The following TSPAN9 variants were observed in gnomAD, a reference collection of about 807,000 sequenced individuals.
The protein encoded by TSPAN9 is tetraspanin-9.
TSPAN9 carries 16 observed loss-of-function variants against 31.0 expected under a neutral mutation model. The ratio of observed to expected loss-of-function variants is 0.52; its 90% CI spans 0.35 to 0.78. The LOEUF is 0.78. Among genes scored for constraint, TSPAN9 ranks in the 30% least tolerant of loss-of-function variants. The probability of loss-of-function intolerance (pLI) is 0.01; values close to 1 mark genes in which losing one functional copy is unlikely to be tolerated. For synonymous variants in TSPAN9, 145 were observed against 121.6 expected (o/e 1.19, Z -1.27); for missense variants, 272 against 312.5 (o/e 0.87, Z 0.98).
chr12:3,122,691 T>G (rs1028058763), intron 2 of TSPAN9, among the ~76,000 whole-genome samples: 2 of 152,192 alleles, frequency 1.3e-5, no homozygotes, highest in Non-Finnish European at 2.9e-5. Context: ...AATGTGCTCC[T>G]GCAGGGAGGT....
chr12:3,254,164 A>C, intron 3 of TSPAN9, among the ~76,000 whole-genome samples: 1 of 152,210 alleles, frequency 6.6e-6, no homozygotes, highest in East Asian at 1.9e-4. Flanking sequence ...TGGTGCTGAC[A>C]GTAGTCACTC....
At chr12:3,085,272 G>T (rs573936845) in intron 2 of TSPAN9, among the ~76,000 whole-genome samples, 2 of 151,944 alleles carry the variant, frequency 1.3e-5, no homozygotes, top group South Asian at 4.2e-4. Context: ...CCTGCTGTGC[G>T]GCATGTCCCC....
chr12:3,160,709 T>C (rs1250321562), intron 2 of TSPAN9, among the ~76,000 whole-genome samples: 1 of 152,254 alleles, frequency 6.6e-6, no homozygotes, highest in Non-Finnish European at 1.5e-5. Context: ...ATGAATGATG[T>C]TGAGCATCTG....
intron 2 of TSPAN9, among the ~76,000 whole-genome samples, chr12:3,111,484 G>A (rs1426009946): frequency 1.3e-5 from 2 of 152,050 alleles, no homozygotes; most frequent in East Asian, 3.9e-4. Flanking sequence ...AAACTTACCT[G>A]ATGAGGTTTA....
At chr12:3,236,786 G>T (rs2098394000) in intron 3 of TSPAN9, among the ~76,000 whole-genome samples, 1 of 152,180 alleles carries the variant, frequency 6.6e-6, no homozygotes, top group Admixed American at 6.5e-5. Context: ...CAGCAGGAGG[G>T]AGAGGGTGGG....
At chr12:3,095,946 G>A (rs2098308446) in intron 2 of TSPAN9, among the ~76,000 whole-genome samples, 1 of 150,384 alleles carries the variant, frequency 6.6e-6, no homozygotes, top group African/African-American at 2.5e-5. Flanking sequence ...CGGCCGGGCA[G>A]AGGCTGCAAT....
At chr12:3,148,653 G>C (rs2098338443) in intron 2 of TSPAN9, among the ~76,000 whole-genome samples, 1 of 152,244 alleles carries the variant, frequency 6.6e-6, no homozygotes, top group African/African-American at 2.4e-5. Context: ...GCCTGAAAGG[G>C]ACCAGGAGGG....
In TSPAN9 at chr12:3,192,459, C is replaced by T. The variant is rs958144883; in HGVS notation, c.-17-8718C>T. 6.6e-6 allele frequency among the ~76,000 whole-genome samples: 1 copy of T among 152,022 alleles called. No homozygotes were observed. Among genetic ancestry groups the T allele is most frequent in the Non-Finnish European group, 1.5e-5 (1 of 68,004 alleles). ...CTGCGGCTTGGACTTGTGTTTGCTTCGAGGTGGGAGCAAGTGACAACCGGG... is the reference window on the plus strand; with the variant it reads ...CTGCGGCTTGGACTTGTGTTTGCTTTGAGGTGGGAGCAAGTGACAACCGGG... On this transcript the variant is annotated intron_variant, in intron 2 of 8. Coordinates refer to ENST00000011898, the MANE Select transcript of TSPAN9 (RefSeq NM_006675.5). The surrounding 1 kb of genome is among the most constrained non-coding windows in gnomAD (Gnocchi z 4.6).
intron 3 of TSPAN9, among the ~76,000 whole-genome samples, chr12:3,254,481 C>T (rs376643586): frequency 2.8e-4 from 43 of 152,310 alleles, no homozygotes; most frequent in African/African-American, 9.1e-4. Flanking sequence ...ACCTTGTGCC[C>T]GATCCAGGTT....
intron 2 of TSPAN9, among the ~76,000 whole-genome samples, chr12:3,102,435 A>ATT (rs33918863): frequency 0.35 from 47,262 of 135,148 alleles, 8,717 homozygotes; most frequent in South Asian, 0.53. Flanking sequence ...CCAAGGAGGA[A>ATT]TTTTTTTTTT....
chr12:3,185,502 A>G (rs1338825789), intron 2 of TSPAN9, among the ~76,000 whole-genome samples: 1 of 152,076 alleles, frequency 6.6e-6, no homozygotes, highest in Non-Finnish European at 1.5e-5. Context: ...TGGGCCTGGG[A>G]GTTTCCAGTC....
intron 2 of TSPAN9, among the ~76,000 whole-genome samples, chr12:3,179,722 A>G (rs146145205): frequency 3.9e-5 from 6 of 152,306 alleles, no homozygotes; most frequent in African/African-American, 1.4e-4. Flanking sequence ...ATGAATAAAG[A>G]GTCCACATTA....
At chr12:3,258,126 G>A (rs1862383339) in intron 3 of TSPAN9, among the ~76,000 whole-genome samples, 2 of 152,214 alleles carry the variant, frequency 1.3e-5, no homozygotes, top group Non-Finnish European at 2.9e-5. Context: ...TCCTGAGCAT[G>A]GACATGGCAT....
chr12:3,081,113 G>A (rs145175304), intron 1 of TSPAN9, among the ~76,000 whole-genome samples: 5 of 152,236 alleles, frequency 3.3e-5, no homozygotes, highest in African/African-American at 1.2e-4. Context: ...GGAGCCATGA[G>A]CTGATGTATG....
intron 2 of TSPAN9, among the ~76,000 whole-genome samples, chr12:3,125,321 G>A (rs908577617): frequency 4.3e-4 from 66 of 151,960 alleles, no homozygotes; most frequent in African/African-American, 1.5e-3. Flanking sequence ...GTTTTGCTGC[G>A]TGCTCAGCAC....
intron 2 of TSPAN9, among the ~76,000 whole-genome samples, chr12:3,114,020 A>G (rs1042246117): frequency 6.6e-6 from 1 of 152,150 alleles, no homozygotes; most frequent in Non-Finnish European, 1.5e-5. Flanking sequence ...TGTCATCCTC[A>G]GTGGGCCATA....
Position 3,177,726 on chromosome 12 carries a change from C to T in TSPAN9, c.-17-23451C>T, listed in dbSNP as rs149362605. 3.2e-3 allele frequency among the ~76,000 whole-genome samples: 482 copies of T among 152,352 alleles called. 3 individuals carry two copies. Among genetic ancestry groups the T allele is most frequent in the African/African-American group, 0.011 (456 of 41,586 alleles). ...GGGATTACAGGTGTGAGCAACCGCA[C>T]CCAGCCTTAACCTGCTAGGTAAACA... On this transcript the variant is annotated intron_variant, in intron 2 of 8. Coordinates refer to ENST00000011898, the MANE Select transcript of TSPAN9 (RefSeq NM_006675.5).
intron 3 of TSPAN9, chr12:3,206,508 A>T (rs1219504015): frequency 3.3e-6 from 1 of 303,448 alleles, no homozygotes; most frequent in African/African-American, 2.1e-5. Flanking sequence ...ACACCCACAC[A>T]GCCACTTTCT....
In TSPAN9 at chr12:3,283,165, A is replaced by G. The variant is rs1427421145; in HGVS notation, c.*49A>G. On this transcript the variant is annotated 3_prime_UTR_variant, in exon 9 of 9. Transcript: ENST00000011898. ...CCCGCCCTGCTGCCCTGTGGAGGGA[A>G]GAGGATTGAGCTTTGTGTCACCTGC... 6.3e-7 allele frequency: 1 copy of G among 1,589,352 alleles called. No homozygotes were observed. The highest frequency in any genetic ancestry group is 1.3e-5 in the African/African-American group (1 of 74,758).
Sources: gnomAD v4.1 joint callset for allele counts (sites outside exome capture counted in the v4.1 genomes callset) on GRCh38, gnomAD v4.1.1 for gene constraint, Gnocchi (gnomAD v3.1) non-coding constraint, MANE v1.5 for transcripts, NCBI Gene and HGNC (gene_info 2026-07-23, HGNC 2026-07-21) for gene names.